LYRM4: variants seen among roughly 807,000 people sequenced by gnomAD.
The protein encoded by LYRM4 is LYR motif-containing protein 4.
Under a neutral mutation model 11.7 loss-of-function variants are expected in LYRM4, and 9 were observed. The observed-to-expected ratio is 0.77, with a 90% CI of 0.46 to 1.34. The LOEUF (loss-of-function observed/expected upper bound fraction) is 1.34. Among genes scored for constraint, LYRM4 ranks in the 40% most tolerant of loss-of-function variants. The probability of loss-of-function intolerance (pLI) is 0.00; values close to 1 mark genes in which losing one functional copy is unlikely to be tolerated. For missense variants in LYRM4, 133 were observed against 112.5 expected (o/e 1.18, Z -0.82); for synonymous variants, 42 against 40.4 (o/e 1.04, Z -0.15).
chr6:5,260,859 GGGCCGGGCCTAAGCCTAAGC>G lies in LYRM4; in HGVS notation c.-146_-127del. On this transcript the variant is annotated 5_prime_UTR_variant, in exon 1 of 3. Coordinates refer to ENST00000330636, the MANE Select transcript of LYRM4 (RefSeq NM_020408.6). ...AATGCTGCGGCTCGGCTTTGCCAGC[GGGCCGGGCCTAAGCCTAAGC>G]GGGCAGCCCTGCGGATCGCGGACGG... 1 of 1,486,870 alleles carries G rather than the reference GGGCCGGGCCTAAGCCTAAGC, an allele frequency of 6.7e-7. No homozygotes were observed. The highest frequency in any genetic ancestry group is 8.9e-7 in the Non-Finnish European group (1 of 1,124,504). 92.1% of individuals were successfully genotyped at this position (1,486,870 alleles called of 1,614,324 possible).
chr6:5,171,431 G>A (rs984457979), intron 2 of LYRM4, among the ~76,000 whole-genome samples: 1 of 152,126 alleles, frequency 6.6e-6, no homozygotes, highest in Non-Finnish European at 1.5e-5. Flanking sequence ...GACCTATTCT[G>A]GCCTCCAGTT....
the LYRM4 span, among the ~76,000 whole-genome samples, chr6:5,042,123 G>C: frequency 6.6e-6 from 1 of 152,110 alleles, no homozygotes; most frequent in African/African-American, 2.4e-5. Flanking sequence ...TTTTATTTTT[G>C]TGTGTCATCA....
chr6:5,142,290 C>T (rs776842182), intron 2 of LYRM4, among the ~76,000 whole-genome samples: 1 of 152,082 alleles, frequency 6.6e-6, no homozygotes, highest in Non-Finnish European at 1.5e-5. Context: ...GTGAGGAAGC[C>T]CAGGTTACAG....
chr6:5,042,142 T>C, the LYRM4 span, among the ~76,000 whole-genome samples: 1 of 152,170 alleles, frequency 6.6e-6, no homozygotes, highest in Non-Finnish European at 1.5e-5. Flanking sequence ...CAAATATAGG[T>C]AAAAATAATT....
At chr6:5,232,086 G>C (rs943115897) in intron 1 of LYRM4, among the ~76,000 whole-genome samples, 5 of 152,080 alleles carry the variant, frequency 3.3e-5, no homozygotes, top group African/African-American at 1.2e-4. Flanking sequence ...ACTTGGCATT[G>C]ATCTGTCAAA....
the LYRM4 span, among the ~76,000 whole-genome samples, chr6:5,056,610 C>T: frequency 4.6e-5 from 7 of 152,210 alleles, no homozygotes; most frequent in Non-Finnish European, 8.8e-5. Flanking sequence ...GCAACAATCA[C>T]ATTTGTTTCA....
At chr6:5,050,630 A>G in the LYRM4 span, among the ~76,000 whole-genome samples, 6 of 152,152 alleles carry the variant, frequency 3.9e-5, no homozygotes, top group Non-Finnish European at 7.3e-5. Flanking sequence ...TTGGAAAGTC[A>G]TCACACAAGC....
chr6:5,111,071 C>G (rs528426465), intron 2 of LYRM4, among the ~76,000 whole-genome samples: 15 of 152,202 alleles, frequency 9.9e-5, no homozygotes, highest in African/African-American at 3.1e-4. Context: ...CCATCTATAC[C>G]CTACTACAGA....
At chr6:5,228,758 T>C (rs1344200968) in intron 1 of LYRM4, among the ~76,000 whole-genome samples, 1 of 151,594 alleles carries the variant, frequency 6.6e-6, no homozygotes, top group African/African-American at 2.4e-5. Context: ...CCCAGCACTT[T>C]GGGAGGCTGA....
intron 2 of LYRM4, among the ~76,000 whole-genome samples, chr6:5,118,342 C>T (rs1763242346): frequency 6.6e-6 from 1 of 152,036 alleles, no homozygotes; most frequent in Non-Finnish European, 1.5e-5. Context: ...GTCGCAAACT[C>T]CTGACTTCAG....
At chr6:5,036,261 G>A in the LYRM4 span, among the ~76,000 whole-genome samples, 2 of 152,186 alleles carry the variant, frequency 1.3e-5, no homozygotes, top group African/African-American at 4.8e-5. Context: ...AGTTTTCTCA[G>A]TGTAATTCCA....
At chr6:5,123,090 C>A (rs1763533857) in intron 2 of LYRM4, among the ~76,000 whole-genome samples, 1 of 152,214 alleles carries the variant, frequency 6.6e-6, no homozygotes. Context: ...TTGTCTCCCC[C>A]CACCCAGAAG....
At chr6:5,056,934 C>T in the LYRM4 span, among the ~76,000 whole-genome samples, 4 of 152,108 alleles carry the variant, frequency 2.6e-5, no homozygotes, top group South Asian at 2.1e-4. Context: ...CTCAAAGCAA[C>T]GTCATACATT....
chr6:5,212,904 A>G (rs547374270), intron 2 of LYRM4, among the ~76,000 whole-genome samples: 26 of 152,284 alleles, frequency 1.7e-4, no homozygotes, highest in African/African-American at 5.5e-4. Flanking sequence ...ATGAAAGAAA[A>G]ACGAGCTGCC....
chr6:5,226,891 T>C (rs901775034), intron 1 of LYRM4, among the ~76,000 whole-genome samples: 14 of 152,160 alleles, frequency 9.2e-5, no homozygotes, highest in African/African-American at 2.7e-4. Flanking sequence ...AAATCAGTAA[T>C]ATACCACAAT....
chr6:5,169,779 A>G (rs954272602), intron 2 of LYRM4, among the ~76,000 whole-genome samples: 1 of 152,212 alleles, frequency 6.6e-6, no homozygotes, highest in Non-Finnish European at 1.5e-5. Context: ...TGTAAGATCC[A>G]CAGATCACCT....
chr6:5,253,234 C>T (rs1254208660), intron 1 of LYRM4, among the ~76,000 whole-genome samples: 1 of 152,188 alleles, frequency 6.6e-6, no homozygotes, highest in East Asian at 1.9e-4. Flanking sequence ...TCAAGTTTTA[C>T]AATAACATAT....
At chr6:5,227,594 G>T (rs1183664596) in intron 1 of LYRM4, among the ~76,000 whole-genome samples, 1 of 152,138 alleles carries the variant, frequency 6.6e-6, no homozygotes, top group South Asian at 2.1e-4. Context: ...CAAGGATCTA[G>T]AACCAGAAAT....
chr6:5,158,146 T>C (rs968509066), intron 2 of LYRM4, among the ~76,000 whole-genome samples: 3 of 152,226 alleles, frequency 2.0e-5, no homozygotes, highest in African/African-American at 7.2e-5. Flanking sequence ...TGTGTGTACA[T>C]TTATGCATGC....
Sources: gnomAD v4.1 joint callset for allele counts (sites outside exome capture counted in the v4.1 genomes callset) on GRCh38, gnomAD v4.1.1 for gene constraint, MANE v1.5 for transcripts, NCBI Gene and HGNC (gene_info 2026-07-23, HGNC 2026-07-21) for gene names.